The following RALA variants were observed in gnomAD, a reference collection of about 807,000 sequenced individuals.
RALA encodes ras-related protein Ral-A.
A neutral mutation model predicts 24.0 loss-of-function variants in RALA; 5 were observed. The ratio of observed to expected loss-of-function variants is 0.21; its 90% CI spans 0.11 to 0.44. The LOEUF is 0.44. RALA is among the 20% of genes least tolerant of loss of function. RALA has a pLI of 0.99. For missense variants in RALA, 95 were observed against 241.2 expected, an observed-to-expected ratio of 0.39 and a Z score of 4.01; for synonymous variants, 77 against 83.8, an observed-to-expected ratio of 0.92 and a Z score of 0.44.
intron 1 of RALA, 39 bp from the exon 2 acceptor site, chr7:39,686,592 G>C (rs1792707453): frequency 1.7e-6 from 2 of 1,142,924 alleles, no homozygotes. Flanking sequence ...TTCTAAAGAA[G>C]AATGTACTGA....
intron 3 of RALA, 78 bp downstream of exon 3, chr7:39,690,668 G>A (rs945718824): frequency 8.6e-7 from 1 of 1,158,394 alleles, no homozygotes; most frequent in Non-Finnish European, 1.2e-6. Flanking sequence ...GACAACTAGA[G>A]GTTCTAACTT....
intron 2 of RALA, 65 bp downstream of exon 2, chr7:39,686,846 T>A (rs758197252): frequency 8.3e-5 from 105 of 1,270,368 alleles, no homozygotes; most frequent in Non-Finnish European, 7.0e-5. Flanking sequence ...TAGCTTAGTT[T>A]TGGTGCTATT....
Position 39,627,729 on chromosome 7 carries a change from A to G in RALA, c.-38+3904A>G, listed in dbSNP as rs990290345. ...TGCCACACTGCGTGACCAAACACTG[A>G]GTTCAGCTGCCCTGTCTAGATATTC... On this transcript the variant is annotated intron_variant, in intron 1 of 4. Transcript: ENST00000005257. Among the ~76,000 whole-genome samples, 6 of 152,192 alleles carry G rather than the reference A, an allele frequency of 3.9e-5. 1 individual carries two copies. The highest frequency in any genetic ancestry group is 1.4e-4 in the African/African-American group (6 of 41,448).
chr7:39,688,256 G>C (rs1218064179), intron 2 of RALA, among the ~76,000 whole-genome samples: 1 of 152,096 alleles, frequency 6.6e-6, no homozygotes, highest in Non-Finnish European at 1.5e-5. Context: ...TAAAAAATTA[G>C]CTGGGCGTGG....
chr7:39,684,712 TAAAAAAAAAAA>T (rs34582850), intron 1 of RALA, among the ~76,000 whole-genome samples: 2 of 110,412 alleles, frequency 1.8e-5, no homozygotes, highest in African/African-American at 3.6e-5. Context: ...GCTGATGAGC[TAAAAAAAAAAA>T]AAAAAGAAAA....
At chr7:39,635,862 C>T (rs948841913) in intron 1 of RALA, among the ~76,000 whole-genome samples, 4 of 152,178 alleles carry the variant, frequency 2.6e-5, no homozygotes, top group Non-Finnish European at 5.9e-5. Context: ...CCTAACAGGC[C>T]ACAGACTGGT....
intron 1 of RALA, among the ~76,000 whole-genome samples, chr7:39,679,478 T>C (rs957739648): frequency 2.6e-5 from 4 of 152,324 alleles, no homozygotes; most frequent in Non-Finnish European, 4.4e-5. Context: ...ATTTATCTTA[T>C]CAGTGAGGTC....
intron 1 of RALA, among the ~76,000 whole-genome samples, chr7:39,662,698 A>G (rs1792214120): frequency 6.6e-6 from 1 of 152,182 alleles, no homozygotes; most frequent in South Asian, 2.1e-4. Flanking sequence ...AAGCCATTCA[A>G]CAAGTCTGTA....
chr7:39,705,577 GATAAATTCTCA>G (rs1793106557), intron 4 of RALA, among the ~76,000 whole-genome samples: 1 of 152,018 alleles, frequency 6.6e-6, no homozygotes, highest in Non-Finnish European at 1.5e-5. Flanking sequence ...GACAAAAACT[GATAAATTCTCA>G]AATACAGAGT....
At chr7:39,657,162 C>T (rs1792113510) in intron 1 of RALA, among the ~76,000 whole-genome samples, 1 of 152,014 alleles carries the variant, frequency 6.6e-6, no homozygotes, top group African/African-American at 2.4e-5. Flanking sequence ...GACGGGGTTT[C>T]ACCACGTTGG....
At chr7:39,701,393 C>T (rs1793024395) in intron 4 of RALA, among the ~76,000 whole-genome samples, 1 of 152,112 alleles carries the variant, frequency 6.6e-6, no homozygotes, top group African/African-American at 2.4e-5. Context: ...TGTCTGTAGT[C>T]ACAGTTACTT....
intron 1 of RALA, among the ~76,000 whole-genome samples, chr7:39,674,969 A>C (rs187884454): frequency 3.3e-5 from 5 of 152,024 alleles, no homozygotes; most frequent in Non-Finnish European, 7.4e-5. Flanking sequence ...GATTACAGGC[A>C]CACGCTACCA....
chr7:39,699,118 G>GTTTTTTTTTTTTTTTTTTT (rs1209729467), intron 4 of RALA, among the ~76,000 whole-genome samples: 2 of 84,140 alleles, frequency 2.4e-5, no homozygotes, highest in African/African-American at 9.4e-5. Context: ...TGCTAAAAAT[G>GTTTTTTTTTTTTTTTTTTT]TTATTTTTTT....
chr7:39,674,799 A>T (rs1792450979), intron 1 of RALA, among the ~76,000 whole-genome samples: 1 of 149,316 alleles, frequency 6.7e-6, no homozygotes, highest in Non-Finnish European at 1.5e-5. Flanking sequence ...TACATATAGC[A>T]GCCTGAAGGT....
At chr7:39,697,973 GTA>G (rs1491006193) in intron 4 of RALA, among the ~76,000 whole-genome samples, 3 of 126,050 alleles carry the variant, frequency 2.4e-5, no homozygotes, top group African/African-American at 8.4e-5. Flanking sequence ...GTGTGTGTGT[GTA>G]TGTGTGTGTA....
intron 3 of RALA, among the ~76,000 whole-genome samples, chr7:39,692,607 A>G (rs1338047351): frequency 6.6e-6 from 1 of 152,146 alleles, no homozygotes; most frequent in Middle Eastern, 3.2e-3. Context: ...AAACCAATCT[A>G]TTAACTCTAA....
chr7:39,643,076 C>T (rs996343177), intron 1 of RALA, among the ~76,000 whole-genome samples: 1 of 152,166 alleles, frequency 6.6e-6, no homozygotes, highest in Non-Finnish European at 1.5e-5. Flanking sequence ...ATGCCCTGAC[C>T]TAAGCAATTT....
At chr7:39,700,331 G>A (rs1408753203) in intron 4 of RALA, 1 of 152,174 alleles carries the variant, frequency 6.6e-6, no homozygotes, top group Non-Finnish European at 1.5e-5. Context: ...TCTAGGCACT[G>A]GAAATACCTA....
At chr7:39,624,578 A>C (rs554109635) in intron 1 of RALA, among the ~76,000 whole-genome samples, 13 of 152,276 alleles carry the variant, frequency 8.5e-5, no homozygotes, top group Middle Eastern at 3.4e-3. Flanking sequence ...GGGTGACGGC[A>C]CACAGGGGTG....
Sources: gnomAD v4.1 joint callset for allele counts (sites outside exome capture counted in the v4.1 genomes callset) on GRCh38, gnomAD v4.1.1 for gene constraint, MANE v1.5 for transcripts, NCBI Gene and HGNC (gene_info 2026-07-23, HGNC 2026-07-21) for gene names.